The following PCDHGA3 variants were observed in gnomAD, a reference collection of about 807,000 sequenced individuals.
PCDHGA3 encodes protocadherin gamma subfamily A, 3.
Under a neutral mutation model 58.5 loss-of-function variants are expected in PCDHGA3, and 40 were observed. The ratio of observed to expected loss-of-function variants is 0.68; its 90% confidence interval spans 0.53 to 0.89. The LOEUF (loss-of-function observed/expected upper bound fraction) is 0.89, where lower values mean the gene tolerates loss of function less well. Among genes scored for constraint, PCDHGA3 ranks in the 40% least tolerant of loss-of-function variants. PCDHGA3 has a pLI of 0.00. For missense variants in PCDHGA3, 1,223 were observed against 1,195.9 expected, an observed-to-expected ratio of 1.02 and a Z score of -0.33; for synonymous variants, 530 against 525.7, an observed-to-expected ratio of 1.01 and a Z score of -0.11.
intron 1 of PCDHGA3, chr5:141,365,574 C>T: frequency 1.9e-6 from 3 of 1,613,636 alleles, no homozygotes; most frequent in South Asian, 1.1e-5. Context: ...AGAGAAGAGA[C>T]TTCAGATTAT....
rs763544302 is a variant in PCDHGA3, at chr5:141,385,145, T to C, written c.2424+38688T>C. On this transcript the variant is annotated intron_variant, in intron 1 of 3. Coordinates refer to ENST00000253812, the MANE Select transcript of PCDHGA3 (RefSeq NM_018916.4). ...GTGGGCATGGACGGGGTGCAGGCTTTCCTGCAGACCTATTCCCATGAGGTC... is the reference window on the plus strand; with the variant it reads ...GTGGGCATGGACGGGGTGCAGGCTTCCCTGCAGACCTATTCCCATGAGGTC... 5.6e-6 allele frequency: 9 copies of C among 1,614,106 alleles called. No homozygotes were observed. The highest frequency in any genetic ancestry group is 7.6e-6 in the Non-Finnish European group (9 of 1,180,050).
intron 1 of PCDHGA3, chr5:141,375,726 T>C (rs1771809693): frequency 6.2e-7 from 1 of 1,614,262 alleles, no homozygotes; most frequent in East Asian, 2.2e-5. Flanking sequence ...AACGTGTCAC[T>C]GAGCCTGTTT....
chr5:141,492,111 C>T (rs2154587044), intron 1 of PCDHGA3, among the ~76,000 whole-genome samples: 1 of 152,320 alleles, frequency 6.6e-6, no homozygotes, highest in South Asian at 2.1e-4. Context: ...ATTTCCTCTT[C>T]GATTTCTCCC....
chr5:141,361,440 C>T, intron 1 of PCDHGA3: 1 of 1,614,042 alleles, frequency 6.2e-7, no homozygotes, highest in South Asian at 1.1e-5. Context: ...TCTCCTCCAG[C>T]ATAATTGTCA....
At position 141,389,844 on chromosome 5, in the gene PCDHGA3, G is replaced by A. The variant is rs558691778; in HGVS notation, c.2424+43387G>A. 80 of 1,614,014 alleles carry A rather than the reference G, an allele frequency of 5.0e-5. No homozygotes were observed. The Admixed American group carries it at 1.3e-3, about 27-fold the overall frequency. On this transcript the variant is annotated intron_variant, in intron 1 of 3. Coordinates refer to ENST00000253812, the MANE Select transcript of PCDHGA3 (RefSeq NM_018916.4). ...TGACGGTGGACAGCCACCACTCTCGGCCACTGCCACGTTGCACCTGGTCTT... is the reference window on the plus strand; with the variant it reads ...TGACGGTGGACAGCCACCACTCTCGACCACTGCCACGTTGCACCTGGTCTT...
In PCDHGA3 at chr5:141,351,767, G is replaced by T. The variant is rs371048978; in HGVS notation, c.2424+5310G>T. 4.9e-5 allele frequency: 79 copies of T among 1,613,418 alleles called. 2 individuals carry two copies. The highest frequency in any genetic ancestry group is 9.3e-6 in the Non-Finnish European group (11 of 1,179,914). On this transcript the variant is annotated intron_variant, in intron 1 of 3. Coordinates refer to ENST00000253812, the MANE Select transcript of PCDHGA3 (RefSeq NM_018916.4). Reference sequence around the variant, plus strand: ...GCGGGAGCTGTTGTCCTACGTGTCCGTGAGCCCGCAGAGCGGGGTGGTGTT... The same window carrying T: ...GCGGGAGCTGTTGTCCTACGTGTCCTTGAGCCCGCAGAGCGGGGTGGTGTT...
intron 3 of PCDHGA3, among the ~76,000 whole-genome samples, chr5:141,508,986 G>C (rs1298630784): frequency 2.0e-5 from 3 of 152,148 alleles, no homozygotes; most frequent in Non-Finnish European, 4.4e-5. Context: ...GTGGGGGCCA[G>C]CTGGGGTAGG....
intron 1 of PCDHGA3, chr5:141,352,529 G>A: frequency 1.2e-6 from 2 of 1,613,988 alleles, no homozygotes; most frequent in Non-Finnish European, 8.5e-7. Flanking sequence ...CTCTCATTCT[G>A]CAAAGACAGA....
chr5:141,438,621 TATATATATATATATACACACAC>T (rs2098027070), intron 1 of PCDHGA3, among the ~76,000 whole-genome samples: 1 of 41,368 alleles, frequency 2.4e-5, no homozygotes, highest in Non-Finnish European at 4.0e-5. Flanking sequence ...TATATATATA[TATATATATATATATACACACAC>T]ACACACACAT....
At chr5:141,452,524 C>T (rs542476667) in intron 1 of PCDHGA3, among the ~76,000 whole-genome samples, 83 of 152,294 alleles carry the variant, frequency 5.4e-4, no homozygotes, top group African/African-American at 1.9e-3. Flanking sequence ...CCCTCAAAAT[C>T]GTGAGTTCAT....
At chr5:141,434,199 T>G (rs1406339464) in intron 1 of PCDHGA3, among the ~76,000 whole-genome samples, 1 of 151,914 alleles carries the variant, frequency 6.6e-6, no homozygotes, top group Non-Finnish European at 1.5e-5. Context: ...CCAATGTACT[T>G]ACTTCTGTCA....
At chr5:141,393,270 C>A in intron 1 of PCDHGA3, 1 of 1,613,916 alleles carries the variant, frequency 6.2e-7, no homozygotes, top group East Asian at 2.2e-5. Context: ...AGCACGTTAT[C>A]CACTCCCAGA....
At chr5:141,421,875 A>C (rs1345376105) in intron 1 of PCDHGA3, 2 of 1,613,648 alleles carry the variant, frequency 1.2e-6, no homozygotes, top group South Asian at 2.2e-5. Flanking sequence ...TCACAGCTTT[A>C]GATGGAGGCG....
chr5:141,410,485 A>G, intron 1 of PCDHGA3: 3 of 1,614,016 alleles, frequency 1.9e-6, no homozygotes, highest in Non-Finnish European at 1.7e-6. Flanking sequence ...ATACGGGTAC[A>G]AAAGAGTTTA....
intron 1 of PCDHGA3, chr5:141,441,139 G>C (rs1000704603): frequency 6.6e-6 from 1 of 152,172 alleles, no homozygotes; most frequent in African/African-American, 2.4e-5. Context: ...ATTTCTAGAA[G>C]ATAATGACAA....
chr5:141,419,756 G>C (rs1006926516), intron 1 of PCDHGA3: 10 of 1,613,890 alleles, frequency 6.2e-6, no homozygotes, highest in Admixed American at 1.7e-5. Flanking sequence ...GCGTGCTTTG[G>C]GTGACAAGGA....
At chr5:141,372,209 C>T (rs1768496951) in intron 1 of PCDHGA3, 2 of 1,613,638 alleles carry the variant, frequency 1.2e-6, no homozygotes, top group Non-Finnish European at 1.7e-6. Context: ...CCTGGCTGTC[C>T]TACCACATTG....
intron 1 of PCDHGA3, chr5:141,415,799 C>T (rs1037967294): frequency 5.2e-6 from 7 of 1,335,782 alleles, no homozygotes; most frequent in Non-Finnish European, 6.7e-6. Context: ...CACCTAGTCT[C>T]AATCAAGGCC....
intron 2 of PCDHGA3, among the ~76,000 whole-genome samples, chr5:141,502,866 C>CTTTTTCTT (rs2099816520): frequency 1.6e-5 from 2 of 128,030 alleles, no homozygotes; most frequent in African/African-American, 6.2e-5. Flanking sequence ...GACTCTCTGT[C>CTTTTTCTT]TTTTTTTTTT....
Sources: allele counts gnomAD v4.1 joint callset (sites outside exome capture counted in the v4.1 genomes callset), GRCh38; gene constraint gnomAD v4.1.1; transcripts MANE v1.5; gene names NCBI Gene and HGNC (gene_info 2026-07-23, HGNC 2026-07-21).